NRXN3: variants seen among roughly 807,000 people sequenced by gnomAD.
The protein encoded by NRXN3 is neurexin III.
NRXN3 carries 32 observed loss-of-function variants against 137.6 expected under a neutral mutation model. The observed-to-expected ratio is 0.23, with a 90% CI of 0.18 to 0.31. The LOEUF is 0.31. Ranked by LOEUF, NRXN3 falls within the 10% of genes least tolerant of loss-of-function variation. The probability of loss-of-function intolerance (pLI) is 1.00; values close to 1 mark genes in which losing one functional copy is unlikely to be tolerated. For synonymous variants in NRXN3, 798 were observed against 784.5 expected (o/e 1.02, Z -0.29); for missense variants, 1,574 against 2,062.5 (o/e 0.76, Z 4.59).
At chr14:78,598,014 C>T (rs1359036800) in intron 4 of NRXN3, among the ~76,000 whole-genome samples, 1 of 152,236 alleles carries the variant, frequency 6.6e-6, no homozygotes, top group African/African-American at 2.4e-5. Context: ...GTCTCTGCTT[C>T]ACAGCTCTGG....
intron 18 of NRXN3, among the ~76,000 whole-genome samples, chr14:79,695,760 C>A (rs1268882947): frequency 1.3e-5 from 2 of 151,698 alleles, no homozygotes; most frequent in Admixed American, 6.6e-5. Flanking sequence ...GGACAGAGGA[C>A]AAAATACAGA....
chr14:78,275,955 A>T (rs1427936461), intron 2 of NRXN3, among the ~76,000 whole-genome samples: 1 of 152,148 alleles, frequency 6.6e-6, no homozygotes, highest in African/African-American at 2.4e-5. Flanking sequence ...TCGTTCTGTC[A>T]ATCAGAATTG....
chr14:78,408,201 C>T (rs1312501809), intron 4 of NRXN3, among the ~76,000 whole-genome samples: 1 of 152,164 alleles, frequency 6.6e-6, no homozygotes, highest in African/African-American at 2.4e-5. Flanking sequence ...AGGTGCCACA[C>T]CCTCCCCTGC....
chr14:79,501,400 T>A (rs1423558517), intron 16 of NRXN3, among the ~76,000 whole-genome samples: 2 of 152,166 alleles, frequency 1.3e-5, no homozygotes, highest in African/African-American at 4.8e-5. Context: ...TTTCTGATAT[T>A]ACCACTATGC....
intron 19 of NRXN3, among the ~76,000 whole-genome samples, chr14:79,712,336 C>T (rs2098807312): frequency 6.6e-6 from 1 of 152,186 alleles, no homozygotes; most frequent in Non-Finnish European, 1.5e-5. Context: ...CCCACACACA[C>T]TTTTTTACCT....
chr14:78,805,795 T>C (rs906748214), intron 9 of NRXN3, among the ~76,000 whole-genome samples: 1 of 152,080 alleles, frequency 6.6e-6, no homozygotes, highest in African/African-American at 2.4e-5. Flanking sequence ...TTAGGTGTTG[T>C]TTAGTAAAGA....
rs2098638116 is a variant in NRXN3 at position 78,750,890 on chromosome 14, T to A, written c.2044+35751T>A. On this transcript the variant is annotated intron_variant, in intron 8 of 20. Transcript: ENST00000335750. ...CTTTAGTTTCTCTTTGATAGCTTATTACTTAAGGACCCCAGGGGAACAGTT... is the reference window on the plus strand; with the variant it reads ...CTTTAGTTTCTCTTTGATAGCTTATAACTTAAGGACCCCAGGGGAACAGTT... 2.0e-5 allele frequency among the ~76,000 whole-genome samples: 3 copies of A among 152,216 alleles called. No homozygotes were observed. In the South Asian group the frequency reaches 6.2e-4, roughly 32 times the overall value.
At chr14:79,653,025 C>T (rs754886596) in intron 16 of NRXN3, among the ~76,000 whole-genome samples, 5 of 151,378 alleles carry the variant, frequency 3.3e-5, no homozygotes, top group Non-Finnish European at 7.4e-5. Flanking sequence ...AAAGACCTAA[C>T]TGCAGCACTA....
chr14:79,584,860 G>C (rs1001756448), intron 16 of NRXN3, among the ~76,000 whole-genome samples: 5 of 152,156 alleles, frequency 3.3e-5, no homozygotes, highest in Non-Finnish European at 7.3e-5. Flanking sequence ...GCAGGAGAGA[G>C]AGAATATGAA....
rs1429654302 is a variant in NRXN3, at chr14:79,565,252, T to C, written c.3444+97850T>C. Among the ~76,000 whole-genome samples the C allele has an allele frequency of 1.3e-4, 4 of 31,364 alleles. 1 individual carries two copies. Among genetic ancestry groups the C allele is most frequent in the South Asian group, 3.6e-3 (2 of 558 alleles). The allele number at this position is 31,364 out of a possible 152,430, so 20.6% of individuals were successfully genotyped here. A position where few individuals can be genotyped will look rare whatever the true frequency, so the allele number is the denominator to read the frequency against. On this transcript the variant is annotated intron_variant, in intron 16 of 20. Transcript: ENST00000335750. ...ATATATACATATATGTGTGTGTATA[T>C]ATACATATACACATGTGTGTGTGTA...
Position 79,594,285 on chromosome 14 carries a change from A to C in NRXN3, c.3445-69493A>C, listed in dbSNP as rs2097840840. ...TAGAGGTGAGAAGAGGGCTAATCAT[A>C]ATAATTGGGACTGAGTGTGTTAGAA... On this transcript the variant is annotated intron_variant, in intron 16 of 20. Transcript: ENST00000335750. 3.3e-5 allele frequency among the ~76,000 whole-genome samples: 5 copies of C among 152,302 alleles called. No individual in the cohort carries two copies. The South Asian group carries it at 1.0e-3, about 32-fold the overall frequency.
At chr14:78,238,608 C>A (rs74388403) in intron 1 of NRXN3, among the ~76,000 whole-genome samples, 3,396 of 152,238 alleles carry the variant, frequency 0.022, 82 homozygotes, top group African/African-American at 0.065. Context: ...CAGGAATGTC[C>A]AAAACTAGGA....
chr14:79,853,732 CT>C (rs1229811248), intron 20 of NRXN3: 1 of 1,129,434 alleles, frequency 8.9e-7, no homozygotes, highest in African/African-American at 1.6e-5. Flanking sequence ...TGTCATCCAT[CT>C]CCCTAAATTA....
At chr14:79,666,556 G>T (rs372547631) in intron 17 of NRXN3, among the ~76,000 whole-genome samples, 297 of 152,052 alleles carry the variant, frequency 2.0e-3, no homozygotes, top group African/African-American at 6.8e-3. Context: ...CCTTCCTAAG[G>T]TCACATAGCA....
At chr14:78,186,696 G>C (rs1213447304) in intron 1 of NRXN3, among the ~76,000 whole-genome samples, 2 of 152,170 alleles carry the variant, frequency 1.3e-5, no homozygotes, top group Non-Finnish European at 2.9e-5. Context: ...GGCAAAAGAG[G>C]GCTTTTCTGA....
intron 16 of NRXN3, among the ~76,000 whole-genome samples, chr14:79,632,708 A>G (rs2098367352): frequency 1.3e-5 from 2 of 152,204 alleles, no homozygotes; most frequent in Non-Finnish European, 2.9e-5. Flanking sequence ...TTCTAGTCAC[A>G]ATATTAAGTA....
chr14:78,598,330 C>T (rs1450834702), intron 4 of NRXN3, among the ~76,000 whole-genome samples: 1 of 151,464 alleles, frequency 6.6e-6, no homozygotes, highest in Non-Finnish European at 1.5e-5. Flanking sequence ...CAAGGGGGCT[C>T]GGGATTCTTT....
chr14:78,968,514 C>T (rs551988764), intron 14 of NRXN3, among the ~76,000 whole-genome samples, 168 bp downstream of exon 14: 1 of 152,248 alleles, frequency 6.6e-6, no homozygotes, highest in South Asian at 2.1e-4. Flanking sequence ...TTTAGTATGT[C>T]AAGACATGTG....
chr14:79,791,807 GCT>G (rs1252526066), intron 19 of NRXN3, among the ~76,000 whole-genome samples: 2 of 152,220 alleles, frequency 1.3e-5, no homozygotes, highest in African/African-American at 4.8e-5. Flanking sequence ...TCCTTGTTTA[GCT>G]CTTTGTCCAG....
Sources: gnomAD v4.1 joint callset for allele counts (sites outside exome capture counted in the v4.1 genomes callset) on GRCh38, gnomAD v4.1.1 for gene constraint, MANE v1.5 for transcripts, NCBI Gene and HGNC (gene_info 2026-07-23, HGNC 2026-07-21) for gene names.